EHBP1: variants seen among roughly 807,000 people sequenced by gnomAD.
EHBP1 encodes the protein EH domain binding protein 1.
EHBP1 carries 55 observed loss-of-function variants against 144.0 expected under a neutral mutation model. The observed-to-expected ratio is 0.38, with a 90% CI of 0.31 to 0.48. The LOEUF is 0.48. EHBP1 is among the 20% of genes least tolerant of loss of function. EHBP1 has a pLI of 0.98. For synonymous variants in EHBP1, 469 were observed against 472.7 expected (o/e 0.99, Z 0.10); for missense variants, 1,200 against 1,364.2 (o/e 0.88, Z 1.90).
At chr2:62,715,979 G>A (rs1410229777) in intron 2 of EHBP1, among the ~76,000 whole-genome samples, 3 of 152,016 alleles carry the variant, frequency 2.0e-5, no homozygotes, top group Non-Finnish European at 4.4e-5. Context: ...TCACATCTTG[G>A]AGTAAGAGAA....
intron 19 of EHBP1, among the ~76,000 whole-genome samples, chr2:63,030,835 G>A (rs574202435): frequency 1.5e-3 from 191 of 126,060 alleles, no homozygotes; most frequent in Middle Eastern, 6.9e-3. Context: ...TCGCTCTGTC[G>A]TCCAGGCTGG....
intron 5 of EHBP1, among the ~76,000 whole-genome samples, chr2:62,804,194 G>A (rs2044267952): frequency 6.6e-6 from 1 of 152,180 alleles, no homozygotes; most frequent in African/African-American, 2.4e-5. Context: ...CTTTGGGGGA[G>A]AGACAGTTGA....
intron 4 of EHBP1, among the ~76,000 whole-genome samples, chr2:62,769,738 C>T (rs181644661): frequency 6.7e-6 from 1 of 149,748 alleles, no homozygotes. Context: ...AAGCATCATG[C>T]TACCTGACTC....
intron 10 of EHBP1, among the ~76,000 whole-genome samples, chr2:62,875,909 A>G (rs2050855546): frequency 1.3e-5 from 2 of 152,238 alleles, no homozygotes; most frequent in African/African-American, 4.8e-5. Flanking sequence ...CAATTCTTCT[A>G]AACAGCTCAG....
intron 14 of EHBP1, among the ~76,000 whole-genome samples, chr2:62,962,415 A>C (rs1387165955): frequency 6.6e-6 from 1 of 152,232 alleles, no homozygotes; most frequent in Admixed American, 6.5e-5. Context: ...TTTTTAAAAA[A>C]TGCATTTAAT....
rs184626292 is a variant in EHBP1 at position 62,834,480 on chromosome 2, T to C, written c.634+3322T>C. Among the ~76,000 whole-genome samples, 15 of 152,324 alleles carry C rather than the reference T, an allele frequency of 9.8e-5. No homozygotes were observed. In the East Asian group the frequency reaches 1.9e-3, roughly 20 times the overall value. ...GGTAGACCCACCAACACCAAAAAGA[T>C]TATCACTTACTGAAGGCTCAGATGA... On this transcript the variant is annotated intron_variant, in intron 7 of 22. Coordinates refer to ENST00000431489, the MANE Select transcript of EHBP1 (RefSeq NM_001142616.3).
At chr2:62,838,706 C>T (rs1419160662) in intron 7 of EHBP1, among the ~76,000 whole-genome samples, 10 of 151,648 alleles carry the variant, frequency 6.6e-5, no homozygotes, top group African/African-American at 2.4e-4. Flanking sequence ...AAGAATACTA[C>T]AAACACCTCT....
chr2:62,843,848 GGTAA>G (rs1361246422), intron 7 of EHBP1, among the ~76,000 whole-genome samples: 5 of 152,004 alleles, frequency 3.3e-5, no homozygotes, highest in African/African-American at 7.2e-5. Flanking sequence ...AATAAAGTAT[GGTAA>G]GTATTTTTAT....
intron 14 of EHBP1, among the ~76,000 whole-genome samples, chr2:62,978,471 G>C (rs950111023): frequency 6.6e-6 from 1 of 152,078 alleles, no homozygotes; most frequent in African/African-American, 2.4e-5. Flanking sequence ...AAAGTGCTGG[G>C]ATTACAGGTG....
At chr2:62,802,118 A>C (rs2044037321) in intron 5 of EHBP1, among the ~76,000 whole-genome samples, 1 of 152,252 alleles carries the variant, frequency 6.6e-6, no homozygotes, top group African/African-American at 2.4e-5. Context: ...AATAACTGAT[A>C]TCATATAGGA....
intron 7 of EHBP1, among the ~76,000 whole-genome samples, chr2:62,841,536 G>A (rs1320347494): frequency 6.6e-6 from 1 of 152,062 alleles, no homozygotes; most frequent in African/African-American, 2.4e-5. Context: ...CTCTCTTCTT[G>A]TAGAATGAGA....
chr2:62,712,621 A>G (rs1239465482), intron 2 of EHBP1, among the ~76,000 whole-genome samples: 2 of 152,196 alleles, frequency 1.3e-5, no homozygotes, highest in Non-Finnish European at 2.9e-5. Context: ...ATTGAGAGCA[A>G]ATGTGCAGGA....
intron 9 of EHBP1, among the ~76,000 whole-genome samples, chr2:62,865,962 GA>G (rs1329602623): frequency 6.6e-6 from 1 of 152,204 alleles, no homozygotes; most frequent in East Asian, 1.9e-4. Flanking sequence ...GAGATCTGTA[GA>G]AAGCCCCTCC....
chr2:63,010,608 G>A (rs926209093), intron 19 of EHBP1, among the ~76,000 whole-genome samples: 9 of 151,560 alleles, frequency 5.9e-5, no homozygotes, highest in African/African-American at 2.2e-4. Context: ...TAAAACAATT[G>A]TAAAACATTT....
At chr2:62,852,775 C>G (rs2152764189) in intron 7 of EHBP1, among the ~76,000 whole-genome samples, 1 of 152,030 alleles carries the variant, frequency 6.6e-6, no homozygotes, top group Admixed American at 6.5e-5. Context: ...CTAAAAATTA[C>G]AAAATTACAG....
chr2:62,907,372 T>A (rs2539985), intron 10 of EHBP1, among the ~76,000 whole-genome samples: 103,338 of 152,084 alleles, frequency 0.68, 35,317 homozygotes, highest in African/African-American at 0.74. Flanking sequence ...TTTAGTATGT[T>A]TTTCCCTAAA....
chr2:62,724,187 T>C (rs1449303959), intron 2 of EHBP1, among the ~76,000 whole-genome samples: 1 of 152,242 alleles, frequency 6.6e-6, no homozygotes, highest in South Asian at 2.1e-4. Flanking sequence ...TTCTTTTTTG[T>C]CTATTCTTGT....
chr2:62,847,118 G>C (rs1189796134), intron 7 of EHBP1, among the ~76,000 whole-genome samples: 1 of 152,124 alleles, frequency 6.6e-6, no homozygotes, highest in African/African-American at 2.4e-5. Context: ...AATTGGCATA[G>C]GATAAATAGA....
intron 19 of EHBP1, among the ~76,000 whole-genome samples, chr2:63,019,263 G>C (rs995728072): frequency 1.6e-4 from 24 of 152,208 alleles, no homozygotes; most frequent in African/African-American, 5.5e-4. Flanking sequence ...ACAGAGTGAA[G>C]ATGTGCTAAA....
Sources: allele counts gnomAD v4.1 joint callset (sites outside exome capture counted in the v4.1 genomes callset), GRCh38; gene constraint gnomAD v4.1.1; transcripts MANE v1.5; gene names NCBI Gene and HGNC (gene_info 2026-07-23, HGNC 2026-07-21).